PCDHA3: variants seen among roughly 807,000 people sequenced by gnomAD.
PCDHA3 encodes the protein protocadherin alpha 3.
PCDHA3 carries 41 observed loss-of-function variants against 62.2 expected under a neutral mutation model. That is an observed-to-expected ratio of 0.66 (90% CI 0.51 to 0.86). The LOEUF is 0.86. PCDHA3 is among the 40% of genes least tolerant of loss of function. The pLI, the probability that PCDHA3 is intolerant of heterozygous loss-of-function variation, is 0.00. For synonymous variants in PCDHA3, 640 were observed against 555.4 expected (o/e 1.15, Z -2.14); for missense variants, 1,304 against 1,241.2 (o/e 1.05, Z -0.76).
At chr5:140,977,619 C>T (rs1289978944) in intron 1 of PCDHA3, among the ~76,000 whole-genome samples, 1 of 152,240 alleles carries the variant, frequency 6.6e-6, no homozygotes, top group African/African-American at 2.4e-5. Context: ...TAAAGTATCC[C>T]AGAGTTGTAA....
intron 1 of PCDHA3, among the ~76,000 whole-genome samples, chr5:140,941,026 C>T (rs1330663914): frequency 6.6e-6 from 1 of 152,066 alleles, no homozygotes; most frequent in Admixed American, 6.5e-5. Flanking sequence ...TTCCTTCTGG[C>T]CTTTTTGGTG....
chr5:140,808,938 C>T (rs782653809), intron 1 of PCDHA3: 4 of 1,613,692 alleles, frequency 2.5e-6, no homozygotes, highest in African/African-American at 1.3e-5. Flanking sequence ...GTGCCATGGT[C>T]GGTGGGTGTG....
intron 1 of PCDHA3, chr5:140,848,281 T>C: frequency 1.7e-6 from 1 of 600,408 alleles, no homozygotes; most frequent in Non-Finnish European, 2.9e-6. Context: ...AATATGTACT[T>C]ACACTTTGGG....
At chr5:140,896,946 T>A (rs2065814718) in intron 1 of PCDHA3, among the ~76,000 whole-genome samples, 1 of 152,134 alleles carries the variant, frequency 6.6e-6, no homozygotes, top group Non-Finnish European at 1.5e-5. Context: ...GGAATGGCCA[T>A]TCCCTTAAAC....
At chr5:140,825,856 C>T (rs1768740598) in intron 1 of PCDHA3, 1 of 152,350 alleles carries the variant, frequency 6.6e-6, no homozygotes. Context: ...TACAAACTCC[C>T]CTCTTGAGTT....
chr5:140,971,123 G>A (rs1305525231), intron 1 of PCDHA3, among the ~76,000 whole-genome samples: 1 of 152,182 alleles, frequency 6.6e-6, no homozygotes, highest in Non-Finnish European at 1.5e-5. Context: ...GTGGGCTACA[G>A]GTGGTGAAGA....
chr5:140,885,727 A>G (rs539866953), intron 1 of PCDHA3, among the ~76,000 whole-genome samples: 1 of 152,308 alleles, frequency 6.6e-6, no homozygotes, highest in South Asian at 2.1e-4. Context: ...TCTCTGTGAA[A>G]TGATATTTCA....
chr5:140,803,777 A>G, intron 1 of PCDHA3, 186 bp downstream of exon 1: 2 of 994,492 alleles, frequency 2.0e-6, no homozygotes, highest in South Asian at 3.4e-5. Context: ...CCAAATCAGC[A>G]GTAAGTTATG....
intron 3 of PCDHA3, among the ~76,000 whole-genome samples, chr5:140,984,755 A>G (rs1554246508): frequency 6.6e-6 from 1 of 152,172 alleles, no homozygotes; most frequent in Admixed American, 6.5e-5. Flanking sequence ...TTTGAGTTGA[A>G]TTCTAATCCC....
intron 1 of PCDHA3, among the ~76,000 whole-genome samples, chr5:140,946,661 G>C (rs2094005923): frequency 7.6e-6 from 1 of 132,422 alleles, no homozygotes; most frequent in Non-Finnish European, 1.6e-5. Flanking sequence ...CCATTAGAAA[G>C]AATGAAATCC....
At chr5:140,866,644 T>A (rs531566613) in intron 1 of PCDHA3, 14 of 152,184 alleles carry the variant, frequency 9.2e-5, no homozygotes, top group Non-Finnish European at 1.6e-4. Context: ...GTGTCAAAAT[T>A]TATTTATGTG....
At chr5:140,987,643 A>G (rs1205279586) in intron 3 of PCDHA3, among the ~76,000 whole-genome samples, 1 of 152,232 alleles carries the variant, frequency 6.6e-6, no homozygotes, top group Non-Finnish European at 1.5e-5. Context: ...ATGCACACAT[A>G]TTGCAGAATC....
intron 3 of PCDHA3, among the ~76,000 whole-genome samples, chr5:140,991,686 A>G (rs2097465682): frequency 6.6e-6 from 1 of 152,196 alleles, no homozygotes; most frequent in Non-Finnish European, 1.5e-5. Context: ...AGTCCTCTCT[A>G]GTAGAGCCAT....
chr5:140,892,509 A>G (rs2063553980), intron 1 of PCDHA3, among the ~76,000 whole-genome samples: 1 of 152,220 alleles, frequency 6.6e-6, no homozygotes, highest in Admixed American at 6.5e-5. Context: ...AAGAAGTTCC[A>G]CCATGACTGG....
chr5:140,968,979 G>A (rs782482075), intron 1 of PCDHA3: 6 of 1,614,042 alleles, frequency 3.7e-6, no homozygotes, highest in South Asian at 3.3e-5. Context: ...ACTGCGTATG[G>A]CACTGCATGC....
At chr5:140,834,579 G>A in intron 1 of PCDHA3, 1 of 1,614,068 alleles carries the variant, frequency 6.2e-7, no homozygotes, top group African/African-American at 1.3e-5. Flanking sequence ...CCTGTTCCGG[G>A]CGGTGTGCAA....
In PCDHA3 at chr5:140,927,750, G is replaced by T. The variant is rs155819; in HGVS notation, c.2395-51199G>T. The T allele has an allele frequency of 1.4e-3, 2,310 of 1,614,204 alleles. 26 individuals carry two copies. In the African/African-American group the frequency reaches 0.026, roughly 18 times the overall value. On this transcript the variant is annotated intron_variant, in intron 1 of 3. Coordinates refer to ENST00000522353, the MANE Select transcript of PCDHA3 (RefSeq NM_018906.3). ...CAGAGCTGCGACACCGCTTTCACGT[G>T]CACCCTAAAAGTGGGGAGGTGCAAG...
intron 1 of PCDHA3, chr5:140,929,684 A>C: frequency 3.4e-6 from 1 of 294,182 alleles, no homozygotes; most frequent in Non-Finnish European, 6.5e-6. Flanking sequence ...AATATGTAAG[A>C]GTCTGCTTTA....
chr5:140,808,697 C>T (rs1472527359), intron 1 of PCDHA3: 1 of 1,612,106 alleles, frequency 6.2e-7, no homozygotes, highest in Non-Finnish European at 8.5e-7. Flanking sequence ...GGAGCGCGCG[C>T]TGTCGAGCTA....
Sources: allele counts gnomAD v4.1 joint callset (sites outside exome capture counted in the v4.1 genomes callset), GRCh38; gene constraint gnomAD v4.1.1; transcripts MANE v1.5; gene names NCBI Gene and HGNC (gene_info 2026-07-23, HGNC 2026-07-21).